The following SPTBN1 variants were observed in gnomAD, a reference collection of about 807,000 sequenced individuals.
The protein encoded by SPTBN1 is spectrin beta, non-erythrocytic 1.
Under a neutral mutation model 266.4 loss-of-function variants are expected in SPTBN1, and 32 were observed. The ratio of observed to expected loss-of-function variants is 0.12; its 90% CI spans 0.09 to 0.16. The LOEUF is 0.16. SPTBN1 is among the 10% of genes least tolerant of loss of function. The pLI, the probability that SPTBN1 is intolerant of heterozygous loss-of-function variation, is 1.00. For missense variants in SPTBN1, 2,296 were observed against 3,067.1 expected, an observed-to-expected ratio of 0.75 and a Z score of 5.94; for synonymous variants, 1,336 against 1,162.2, an observed-to-expected ratio of 1.15 and a Z score of -3.04.
At chr2:54,579,023 G>T (rs546776752) in intron 2 of SPTBN1, among the ~76,000 whole-genome samples, 22 of 152,200 alleles carry the variant, frequency 1.4e-4, no homozygotes, top group African/African-American at 4.3e-4. Context: ...AAGCCCTCTG[G>T]TATGAATGTA....
At position 54,526,580 on chromosome 2, in the gene SPTBN1, A is replaced by G. The variant is rs1236281653; in HGVS notation, c.148+14A>G. ...AGGCTCTGGCAGGTGAGTCCTTCAC[A>G]CCTGTCACAGAGGCCCAGGATGCCT... On this transcript the variant is annotated intron_variant, in intron 2 of 35. Transcript: ENST00000356805. 1.9e-6 allele frequency: 3 copies of G among 1,609,730 alleles called. No homozygotes were observed. Among genetic ancestry groups the G allele is most frequent in the Non-Finnish European group, 2.5e-6 (3 of 1,177,490 alleles).
chr2:54,481,584 C>T (rs1225540888), intron 1 of SPTBN1, among the ~76,000 whole-genome samples: 2 of 152,160 alleles, frequency 1.3e-5, no homozygotes, highest in African/African-American at 2.4e-5. Context: ...AGATTTGTGC[C>T]TGCTGGACAA....
At position 54,644,363 on chromosome 2, in the gene SPTBN1, C is replaced by G. The variant is rs878872318; in HGVS notation, c.4046C>G (p.Ala1349Gly). Residue 1349 changes from alanine to glycine, a missense_variant, in exon 20 of 36, where the codon GCT becomes GGT. Physicochemically the swap from Ala to Gly is moderately conservative, Grantham distance 60. Around this residue, in one of 12 missense-constraint regions of SPTBN1, gnomAD observed 386 missense variants for 486.1 expected, o/e 0.79. Transcript: ENST00000356805. ...QLISEKPETE[A>G]VVKEKLTGLH... ...ATTTCAGAAAAGCCTGAGACGGAAG[C>G]TGTGGTGAAGGAGAAACTCACTGGT... The G allele has an allele frequency of 1.2e-6, 2 of 1,613,480 alleles. No homozygotes were observed. The highest frequency in any genetic ancestry group is 2.7e-5 in the African/African-American group (2 of 74,924).
At chr2:54,661,671 T>G (rs1681056773) in intron 32 of SPTBN1, 1 of 985,690 alleles carries the variant, frequency 1.0e-6, no homozygotes, top group Admixed American at 6.1e-5. Flanking sequence ...AGCTCTAATG[T>G]GTGTTTGTGG....
At chr2:54,513,955 T>C (rs1424206026) in intron 1 of SPTBN1, among the ~76,000 whole-genome samples, 1 of 152,210 alleles carries the variant, frequency 6.6e-6, no homozygotes, top group East Asian at 1.9e-4. Context: ...TTTCAAAATA[T>C]TAGGACTTAC....
chr2:54,657,693 C>G, intron 29 of SPTBN1, 157 bp from the exon 30 acceptor site: 1 of 811,212 alleles, frequency 1.2e-6, no homozygotes, highest in Non-Finnish European at 1.9e-6. Context: ...AAGTGTGGCT[C>G]ACATTACATT....
At chr2:54,534,250 A>G (rs1031003617) in intron 2 of SPTBN1, among the ~76,000 whole-genome samples, 2 of 152,240 alleles carry the variant, frequency 1.3e-5, no homozygotes, top group African/African-American at 4.8e-5. Flanking sequence ...CCCAAGGGAA[A>G]GAGAACAGCT....
At chr2:54,651,579 C>T (rs894839314) in intron 26 of SPTBN1, among the ~76,000 whole-genome samples, 2 of 152,204 alleles carry the variant, frequency 1.3e-5, no homozygotes, top group African/African-American at 4.8e-5. Context: ...GGGAATGACA[C>T]ATAGCACTGA....
chr2:54,617,839 A>T, intron 6 of SPTBN1, 151 bp downstream of exon 6: 2 of 742,120 alleles, frequency 2.7e-6, no homozygotes, highest in Non-Finnish European at 4.4e-6. Context: ...ATGGGAGAAT[A>T]TATAAATTCT....
chr2:54,576,456 T>C (rs970995192), intron 2 of SPTBN1, among the ~76,000 whole-genome samples: 1 of 145,052 alleles, frequency 6.9e-6, no homozygotes, highest in African/African-American at 2.5e-5. Flanking sequence ...GTTGGCTCTG[T>C]TACTTCAATT....
rs367780091 is a variant in SPTBN1 at position 54,522,664 on chromosome 2, G to A, written c.-47-3708G>A. 2.7e-3 allele frequency among the ~76,000 whole-genome samples: 237 copies of A among 89,318 alleles called. 5 individuals carry two copies. The highest frequency in any genetic ancestry group is 7.9e-3 in the African/African-American group (194 of 24,516). 58.6% of individuals were successfully genotyped at this position (89,318 alleles called of 152,430 possible). A position where few individuals can be genotyped will look rare whatever the true frequency, so the allele number is the denominator to read the frequency against. ...AGAAAGAAAGAGAGAGAGAAAGAGA[G>A]AGAGAGAGAGAGAGGAGAGAGAGAG... On this transcript the variant is annotated intron_variant, in intron 1 of 35. Coordinates refer to ENST00000356805, the MANE Select transcript of SPTBN1 (RefSeq NM_003128.3).
At chr2:54,600,053 A>C (rs903895373) in intron 3 of SPTBN1, among the ~76,000 whole-genome samples, 2 of 152,220 alleles carry the variant, frequency 1.3e-5, no homozygotes, top group African/African-American at 4.8e-5. Flanking sequence ...ATCTGTACTG[A>C]CATCACCAGG....
chr2:54,662,249 T>C, intron 32 of SPTBN1: 1 of 985,468 alleles, frequency 1.0e-6, no homozygotes, highest in Non-Finnish European at 1.2e-6. Flanking sequence ...TCTCTAGTGG[T>C]GTGCTGTCTG....
intron 2 of SPTBN1, among the ~76,000 whole-genome samples, chr2:54,531,854 A>T (rs1242385631): frequency 1.3e-5 from 2 of 152,068 alleles, no homozygotes; most frequent in Non-Finnish European, 2.9e-5. Flanking sequence ...GACCTGGAGC[A>T]CCTGGCAGGA....
intron 2 of SPTBN1, among the ~76,000 whole-genome samples, chr2:54,562,696 T>TTGTGTGTGTGTGTG (rs55947327): frequency 0.029 from 3,593 of 122,524 alleles, 149 homozygotes; most frequent in African/African-American, 0.08. Flanking sequence ...AAACCCTGCT[T>TTGTGTGTGTGTGTG]TGTGTGTGTG....
chr2:54,639,839 C>G (rs1679409226), intron 18 of SPTBN1, among the ~76,000 whole-genome samples: 1 of 152,182 alleles, frequency 6.6e-6, no homozygotes, highest in Non-Finnish European at 1.5e-5. Context: ...TCAAAGGACA[C>G]AGGAAAGTTT....
chr2:54,596,923 G>GT (rs1455635531), intron 2 of SPTBN1, among the ~76,000 whole-genome samples: 1 of 152,202 alleles, frequency 6.6e-6, no homozygotes, highest in Non-Finnish European at 1.5e-5. Context: ...AATCCTCAGA[G>GT]TTTCCTTGTG....
At chr2:54,515,528 A>C (rs1670066175) in intron 1 of SPTBN1, among the ~76,000 whole-genome samples, 1 of 151,402 alleles carries the variant, frequency 6.6e-6, no homozygotes, top group South Asian at 2.1e-4. Context: ...TTTTTAGATT[A>C]TTTATTTATT....
intron 1 of SPTBN1, among the ~76,000 whole-genome samples, chr2:54,514,236 G>T (rs896740289): frequency 1.3e-5 from 2 of 152,168 alleles, no homozygotes; most frequent in African/African-American, 4.8e-5. Context: ...GTATAATAAT[G>T]ATAATAAGTT....
Sources: allele counts gnomAD v4.1 joint callset (sites outside exome capture counted in the v4.1 genomes callset), GRCh38; gene constraint gnomAD v4.1.1; regional missense constraint gnomAD v4.1.1; transcripts MANE v1.5; gene names NCBI Gene and HGNC (gene_info 2026-07-23, HGNC 2026-07-21).